PDC: variants seen among roughly 807,000 people sequenced by gnomAD.
PDC encodes phosducin.
In PDC, 19 loss-of-function variants were observed where a neutral mutation model predicts 22.2. The ratio of observed to expected loss-of-function variants is 0.86; its 90% CI spans 0.60 to 1.26. The LOEUF (loss-of-function observed/expected upper bound fraction) is 1.26, where lower values mean the gene tolerates loss of function less well. Among genes scored for constraint, PDC ranks in the 50% most tolerant of loss-of-function variants. The pLI, the probability that PDC is intolerant of heterozygous loss-of-function variation, is 0.00. For missense variants in PDC, 274 were observed against 286.8 expected (o/e 0.96, Z 0.32); for synonymous variants, 97 against 96.2 (o/e 1.01, Z -0.05).
intron 3 of PDC, among the ~76,000 whole-genome samples, chr1:186,445,058 T>C (rs1049603499): frequency 2.0e-5 from 3 of 152,188 alleles, no homozygotes; most frequent in African/African-American, 7.2e-5. Context: ...CAAATTCCAT[T>C]TTCTAAGATA....
chr1:186,459,596 T>C (rs1011284550), intron 1 of PDC, among the ~76,000 whole-genome samples: 34 of 151,826 alleles, frequency 2.2e-4, no homozygotes, highest in African/African-American at 8.0e-4. Context: ...GGTTCATATA[T>C]ATTTTGATAA....
intron 2 of PDC, among the ~76,000 whole-genome samples, chr1:186,446,815 A>C (rs1035939532): frequency 3.9e-5 from 6 of 152,206 alleles, no homozygotes; most frequent in African/African-American, 1.4e-4. Context: ...ACTAATGAAA[A>C]TATAAATTAT....
rs778685072 is a variant in PDC at position 186,444,379 on chromosome 1, A to C, written c.341T>G (p.Val114Gly). Residue 114 changes from valine to glycine, a missense_variant, in exon 4 of 4, where the codon GTG becomes GGG. Physicochemically the swap from Val to Gly is moderately radical, Grantham distance 109 (BLOSUM62 -3). Coordinates refer to ENST00000391997, the MANE Select transcript of PDC (RefSeq NM_002597.5). ...KLSFGPRYGFVYELETGKQFL... is the reference protein window; with the variant it reads ...KLSFGPRYGFGYELETGKQFL... The stretch of plus-strand genomic sequence containing the variant: ...TTGCTTTCCAGTTTCCAGCTCATAC[A>C]CAAACCCATATCTAGGCCCAAAACT... The C allele has an allele frequency of 3.7e-6, 6 of 1,613,978 alleles. No homozygotes were observed. Among genetic ancestry groups the C allele is most frequent in the Non-Finnish European group, 8.5e-7 (1 of 1,179,988 alleles).
At chr1:186,450,416 G>T (rs1662328939) in intron 1 of PDC, among the ~76,000 whole-genome samples, 1 of 151,944 alleles carries the variant, frequency 6.6e-6, no homozygotes, top group African/African-American at 2.4e-5. Flanking sequence ...TTAGCTCACT[G>T]CAGCCTCAAA....
rs576026702 is a variant in PDC at position 186,461,011 on chromosome 1, G to T, written c.-25+48C>A. On this transcript the variant is annotated intron_variant, in intron 1 of 3. Coordinates refer to ENST00000391997, the MANE Select transcript of PDC (RefSeq NM_002597.5). ...GTGAATCACCATTCTTTCCCCTAAG[G>T]TAAAATTTTTAAAATTATATTATCA... 32 of 154,624 alleles carry T rather than the reference G, an allele frequency of 2.1e-4. No homozygotes were observed. In the Middle Eastern group the frequency reaches 3.1e-3, roughly 15 times the overall value. The allele number at this position is 154,624 out of a possible 1,614,324, so 9.6% of individuals were successfully genotyped here.
chr1:186,457,043 T>C (rs1662486935), intron 1 of PDC, among the ~76,000 whole-genome samples: 1 of 152,180 alleles, frequency 6.6e-6, no homozygotes, highest in Admixed American at 6.5e-5. Flanking sequence ...TTGCAGGGCT[T>C]TACGTCCTAC....
Position 186,446,130 on chromosome 1 carries a change from C to T in PDC, c.213+296G>A, listed in dbSNP as rs553994964. Among the ~76,000 whole-genome samples the T allele has an allele frequency of 1.8e-3, 278 of 152,232 alleles. 1 individual carries two copies. The highest frequency in any genetic ancestry group is 6.1e-3 in the African/African-American group (252 of 41,544). On this transcript the variant is annotated intron_variant, in intron 3 of 3. Coordinates refer to ENST00000391997, the MANE Select transcript of PDC (RefSeq NM_002597.5). ...ATTTTTTCTTTACATGTTTTCAAAA[C>T]AAGTGGAGCAGGTTTGTTACAATTC...
Position 186,444,068 on chromosome 1 carries a change from C to G in PDC, c.652G>C (p.Glu218Gln). Reference protein sequence around the residue: ...FAEEFFAGDVESFLNEYGLLP... With the variant: ...FAEEFFAGDVQSFLNEYGLLP... ...AACCCATATTCATTTAGGAAAGACT[C>G]CACATCCCCAGCAAAAAATTCTTCA... is the stretch of plus-strand genomic sequence containing the variant. Residue 218 changes from glutamate to glutamine, a missense_variant, in exon 4 of 4, where the codon GAG becomes CAG. Physicochemically the swap from Glu to Gln is conservative, Grantham distance 29 (BLOSUM62 2). Coordinates refer to ENST00000391997, the MANE Select transcript of PDC (RefSeq NM_002597.5). The G allele has an allele frequency of 6.2e-7, 1 of 1,613,404 alleles. No individual in the cohort carries two copies.
intron 3 of PDC, among the ~76,000 whole-genome samples, chr1:186,445,525 A>T (rs895066796): frequency 6.6e-6 from 1 of 152,050 alleles, no homozygotes; most frequent in African/African-American, 2.4e-5. Flanking sequence ...CTGTTTTAAG[A>T]TTACTGTCCC....
At chr1:186,458,251 T>TTTTTTTTTTG (rs1662509960) in intron 1 of PDC, among the ~76,000 whole-genome samples, 1 of 149,052 alleles carries the variant, frequency 6.7e-6, no homozygotes, top group African/African-American at 2.5e-5. Context: ...TTTTTTTTTT[T>TTTTTTTTTTG]AGAAAGAAGG....
At chr1:186,455,409 T>C (rs1662436478) in intron 1 of PDC, among the ~76,000 whole-genome samples, 1 of 152,124 alleles carries the variant, frequency 6.6e-6, no homozygotes, top group African/African-American at 2.4e-5. Context: ...AGTTCATAGC[T>C]CCTGGTTCTG....
intron 2 of PDC, among the ~76,000 whole-genome samples, chr1:186,446,780 T>C (rs1186337911): frequency 6.6e-6 from 1 of 152,212 alleles, no homozygotes; most frequent in Non-Finnish European, 1.5e-5. Context: ...TGGGTTTTGG[T>C]AAAGGATATT....
chr1:186,450,801 C>T (rs1053800108), intron 1 of PDC, among the ~76,000 whole-genome samples: 1 of 152,130 alleles, frequency 6.6e-6, no homozygotes, highest in African/African-American at 2.4e-5. Flanking sequence ...ATCCAGAAAA[C>T]TCAATTATTA....
chr1:186,452,231 T>C (rs1662368149), intron 1 of PDC, among the ~76,000 whole-genome samples: 1 of 152,204 alleles, frequency 6.6e-6, no homozygotes, highest in Non-Finnish European at 1.5e-5. Context: ...ATTAGCATCA[T>C]ACAATTAATT....
Position 186,444,545 on chromosome 1 carries a change from G to A in PDC, c.214-39C>T, listed in dbSNP as rs534217507. 8 of 1,390,302 alleles carry A rather than the reference G, an allele frequency of 5.8e-6. No homozygotes were observed. The African/African-American group carries it at 8.6e-5, about 15-fold the overall frequency. 86.1% of individuals were successfully genotyped at this position (1,390,302 alleles called of 1,614,324 possible). ...AATGATAGAAATTATTAAGTCAGAA[G>A]TTTTATTCCTTAGATATACCAAGCC... is the stretch of plus-strand genomic sequence containing the variant. On this transcript the variant is annotated intron_variant, in intron 3 of 3. Transcript: ENST00000391997.
intron 1 of PDC, chr1:186,451,798 T>C (rs1662358553): frequency 6.6e-6 from 1 of 152,200 alleles, no homozygotes; most frequent in Non-Finnish European, 1.5e-5. Context: ...TATTTGTTGA[T>C]TGGATTAATA....
intron 3 of PDC, 140 bp from the exon 4 acceptor site, chr1:186,444,646 T>C (rs1306738186): frequency 1.7e-6 from 1 of 603,400 alleles, no homozygotes; most frequent in Non-Finnish European, 2.9e-6. Context: ...CTGATGTGCC[T>C]TTCTCTTTCA....
intron 1 of PDC, among the ~76,000 whole-genome samples, chr1:186,459,752 GTATATATATA>G (rs56927589): frequency 0.069 from 7,700 of 112,080 alleles, 693 homozygotes; most frequent in African/African-American, 0.23. Flanking sequence ...GTGTGTGTGT[GTATATATATA>G]TATATATATA....
At position 186,446,421 on chromosome 1, in the gene PDC, C is replaced by G. The variant is rs914674771; in HGVS notation, c.213+5G>C. ...TATTTATTACTGCTTTTTGTATTAT[C>G]TTACCTTTCTGCTGACTCGTTCCTT... On this transcript the variant is annotated splice_donor_5th_base_variant and intron_variant, in intron 3 of 3. Coordinates refer to ENST00000391997, the MANE Select transcript of PDC (RefSeq NM_002597.5). The G allele has an allele frequency of 3.2e-6, 5 of 1,578,976 alleles. No individual in the cohort carries two copies. Among genetic ancestry groups the G allele is most frequent in the Non-Finnish European group, 4.3e-6 (5 of 1,159,038 alleles).
Sources: gnomAD v4.1 joint callset for allele counts (sites outside exome capture counted in the v4.1 genomes callset) on GRCh38, gnomAD v4.1.1 for gene constraint, MANE v1.5 for transcripts, NCBI Gene and HGNC (gene_info 2026-07-23, HGNC 2026-07-21) for gene names.